Variants in EXOC3L1 observed in about 807,000 individuals in gnomAD.
EXOC3L1 encodes the protein exocyst complex component 3 like 1, also known as exocyst complex component 3-like protein.
Under a neutral mutation model 83.6 loss-of-function variants are expected in EXOC3L1, and 79 were observed. That is an observed-to-expected ratio of 0.95 (90% CI 0.79 to 1.14). EXOC3L1 has a LOEUF of 1.14. Among genes scored for constraint, EXOC3L1 ranks in the 50% most tolerant of loss-of-function variants. EXOC3L1 has a pLI of 0.00. For missense variants in EXOC3L1, 945 were observed against 972.0 expected, an observed-to-expected ratio of 0.97 and a Z score of 0.37; for synonymous variants, 433 against 451.2, an observed-to-expected ratio of 0.96 and a Z score of 0.51.
rs147432381 is a variant in EXOC3L1 at position 67,186,596 on chromosome 16, T to C, written c.1346A>G (p.His449Arg). 5.3e-3 allele frequency: 8,584 copies of C among 1,614,112 alleles called. 68 individuals carry two copies. Among genetic ancestry groups the C allele is most frequent in the South Asian group, 6.7e-3 (610 of 91,084 alleles). ...LVSESLQQRV[H>R]GMALSELGTF... is the part of the protein sequence containing the mutation. ...GCCCAGTTCTGACAGTGCCATGCCA[T>C]GCACTCGCTGTTGCAGTGACTCACT... Residue 449 changes from histidine (H) to arginine (R), a missense_variant, in exon 8 of 14, where the codon CAT becomes CGT. His to Arg is a conservative substitution (Grantham distance 29). Transcript: ENST00000314586.
At position 67,184,672 on chromosome 16, in the gene EXOC3L1, C is replaced by G. The variant is rs747185083; in HGVS notation, c.2030+14G>C. Reference sequence around the variant, plus strand: ...CCCTCCGGCTTCTCTTCCCTTCTGGCCCCCAGTCCGCACCTCACGTCGGGA... The same window carrying G: ...CCCTCCGGCTTCTCTTCCCTTCTGGGCCCCAGTCCGCACCTCACGTCGGGA... On this transcript the variant is annotated intron_variant, in intron 13 of 13. Coordinates refer to ENST00000314586, the MANE Select transcript of EXOC3L1 (RefSeq NM_178516.4). 5 of 1,577,242 alleles carry G rather than the reference C, an allele frequency of 3.2e-6. No homozygotes were observed. The highest frequency in any genetic ancestry group is 2.7e-5 in the African/African-American group (2 of 74,592).
At position 67,184,504 on chromosome 16, in the gene EXOC3L1, G is replaced by T. The variant is rs2032620913; in HGVS notation, c.2131C>A (p.Pro711Thr). The T allele has an allele frequency of 4.6e-6, 7 of 1,519,478 alleles. No homozygotes were observed. Among genetic ancestry groups the T allele is most frequent in the Non-Finnish European group, 6.1e-6 (7 of 1,141,240 alleles). 94.1% of individuals were successfully genotyped at this position (1,519,478 alleles called of 1,614,324 possible). ...SSLQAALPPSPRASRRVLFSL... is the reference protein window; with the variant it reads ...SSLQAALPPSTRASRRVLFSL... ...AAGAGGACGCGGCGGCTCGCGCGGG[G>T]CGACGGCGGCAGCGCAGCCTGCAGG... is the stretch of plus-strand genomic sequence containing the variant. The change falls in exon 14 of 14, where the codon CCC becomes ACC. Residue 711 changes from proline (P) to threonine (T), a missense_variant. Coordinates refer to ENST00000314586, the MANE Select transcript of EXOC3L1 (RefSeq NM_178516.4).
At chr16:67,186,440 C>G in intron 8 of EXOC3L1, 93 bp from the exon 9 acceptor site, 2 of 1,414,456 alleles carry the variant, frequency 1.4e-6, no homozygotes, top group Non-Finnish European at 9.8e-7. Context: ...TCCAAGATAC[C>G]CAAGTCCTTG....
rs780628359 is a variant in EXOC3L1, at chr16:67,187,727, G to A, written c.538C>T (p.Leu180=). 6.2e-7 allele frequency: 1 copy of A among 1,613,056 alleles called. No homozygotes were observed. The stretch of plus-strand genomic sequence containing the variant: ...AAGACTGGCAACTCCAGGCCCCCCA[G>A]GGGTGCCCACGTATCCTCTCGCAGC... The part of the protein sequence containing the change: ...EQLREDTWAP[L]GGLELPVFQG... Residue 180 remains leucine, a synonymous_variant, in exon 5 of 14, where the codon CTG becomes TTG. Transcript: ENST00000314586.
At chr16:67,188,658 T>G in intron 4 of EXOC3L1, 63 bp downstream of exon 4, 4 of 1,448,878 alleles carry the variant, frequency 2.8e-6, no homozygotes, top group Non-Finnish European at 3.8e-6. Context: ...AGCCCCTTGA[T>G]TAGGGATGGG....
At position 67,187,614 on chromosome 16, in the gene EXOC3L1, T is replaced by G; in HGVS notation, c.651A>C (p.Pro217=). ...CACGCACAGCAGCCACCAACAGGGC[T>G]GGGTCCTCCCGTGCCAGCTTCCCTG... ...GAAGKLARED[P]ALLVAAVRVA... The change falls in exon 5 of 14, where the codon CCA becomes CCC. Residue 217 remains proline (P), a synonymous_variant. Transcript: ENST00000314586. 1 of 1,608,654 alleles carries G rather than the reference T, an allele frequency of 6.2e-7. No homozygotes were observed.
chr16:67,184,538 C>T lies in EXOC3L1; in HGVS notation c.2097G>A (p.Ala699=). The change falls in exon 14 of 14, where the codon GCG becomes GCA. Residue 699 remains alanine, a synonymous_variant. Coordinates refer to ENST00000314586, the MANE Select transcript of EXOC3L1 (RefSeq NM_178516.4). ...GCAGCGCAGCCTGCAGGGAGCTGAG[C>T]GCGGCCAGGTGCTGCTCCCGGGACA... is the stretch of plus-strand genomic sequence containing the variant. The part of the protein sequence containing the change: ...GDLSREQHLA[A]LSSLQAALPP... 6.6e-7 allele frequency: 1 copy of T among 1,526,036 alleles called. No homozygotes were observed. The highest frequency in any genetic ancestry group is 8.7e-7 in the Non-Finnish European group (1 of 1,143,334). 94.5% of individuals were successfully genotyped at this position (1,526,036 alleles called of 1,614,324 possible). A position where few individuals can be genotyped will look rare whatever the true frequency, so the allele number is the denominator to read the frequency against.
rs1205802737 is a variant in EXOC3L1 at position 67,184,501 on chromosome 16, G to C, written c.2134C>G (p.Arg712Gly). The change falls in exon 14 of 14, where the codon CGC becomes GGC. Residue 712 changes from arginine (R) to glycine (G), a missense_variant. Arg to Gly is a moderately radical substitution (Grantham distance 125). Coordinates refer to ENST00000314586, the MANE Select transcript of EXOC3L1 (RefSeq NM_178516.4). The stretch of plus-strand genomic sequence containing the variant: ...CTGAAGAGGACGCGGCGGCTCGCGC[G>C]GGGCGACGGCGGCAGCGCAGCCTGC... The part of the protein sequence containing the change: ...SLQAALPPSP[R>G]ASRRVLFSLV... 4 of 1,519,326 alleles carry C rather than the reference G, an allele frequency of 2.6e-6. No individual in the cohort carries two copies. Among genetic ancestry groups the C allele is most frequent in the Non-Finnish European group, 3.5e-6 (4 of 1,141,180 alleles). 94.1% of individuals were successfully genotyped at this position (1,519,326 alleles called of 1,614,324 possible).
chr16:67,184,938 G>T lies in EXOC3L1; in HGVS notation c.1869C>A (p.His623Gln), dbSNP rs1294696818. Residue 623 changes from histidine to glutamine, a missense_variant, in exon 12 of 14, where the codon CAC becomes CAA. His to Gln is a conservative substitution (Grantham distance 24). Coordinates refer to ENST00000314586, the MANE Select transcript of EXOC3L1 (RefSeq NM_178516.4). ...ERTQAAERLRHDAAQLQQLFL... is the reference protein window; with the variant it reads ...ERTQAAERLRQDAAQLQQLFL... ...AAAGCTGCTGAAGCTGGGCAGCATCGTGCCGCAGGCGCTCGGCCGCCTGGG... is the reference window on the plus strand; with the variant it reads ...AAAGCTGCTGAAGCTGGGCAGCATCTTGCCGCAGGCGCTCGGCCGCCTGGG... The T allele has an allele frequency of 6.2e-7, 1 of 1,611,886 alleles. No homozygotes were observed. The highest frequency in any genetic ancestry group is 1.3e-5 in the African/African-American group (1 of 74,988).
rs2032748683 is a variant in EXOC3L1 at position 67,187,008 on chromosome 16, C to T, written c.1158+13G>A. The T allele has an allele frequency of 6.2e-7, 1 of 1,613,462 alleles. No individual in the cohort carries two copies. Among genetic ancestry groups the T allele is most frequent in the Non-Finnish European group, 8.5e-7 (1 of 1,179,980 alleles). ...AAGTAGGACTTCTCTGGACCTGTGC[C>T]TCAACTACTCACCTGGATGTTGGCC... On this transcript the variant is annotated intron_variant, in intron 6 of 13. Coordinates refer to ENST00000314586, the MANE Select transcript of EXOC3L1 (RefSeq NM_178516.4).
chr16:67,187,044 C>T lies in EXOC3L1; in HGVS notation c.1135G>A (p.Ala379Thr), dbSNP rs766196751. The T allele has an allele frequency of 7.4e-6, 12 of 1,613,600 alleles. No individual in the cohort carries two copies. In the African/African-American group the frequency reaches 1.6e-4, roughly 22 times the overall value. ...ACCTGGATGTTGGCCACAAATGTTGCCTCCAGCTGCTCAATGTTCTCCAAG... is the reference window on the plus strand; with the variant it reads ...ACCTGGATGTTGGCCACAAATGTTGTCTCCAGCTGCTCAATGTTCTCCAAG... Reference protein sequence around the residue: ...LTLENIEQLEATFVANIQASV... With the variant: ...LTLENIEQLETTFVANIQASV... The change falls in exon 6 of 14, where the codon GCA becomes ACA. Residue 379 changes from alanine (A) to threonine (T), a missense_variant. By Grantham distance (58) the Ala-to-Thr change is moderately conservative. Coordinates refer to ENST00000314586, the MANE Select transcript of EXOC3L1 (RefSeq NM_178516.4).
chr16:67,187,553 C>T lies in EXOC3L1; in HGVS notation c.712G>A (p.Gly238Ser), dbSNP rs753186875. Residue 238 changes from glycine (G) to serine (S), a missense_variant, in exon 5 of 14, where the codon GGC becomes AGC. Physicochemically the swap from Gly to Ser is moderately conservative, Grantham distance 56. Coordinates refer to ENST00000314586, the MANE Select transcript of EXOC3L1 (RefSeq NM_178516.4). ...TGACGCCAGTCCCGGGGGACCTGGC[C>T]CAGGGGGGTTGTTCGTCCAGTCTCC... Reference protein sequence around the residue: ...EVETGRTTPLGQVPRDWRQRC... With the variant: ...EVETGRTTPLSQVPRDWRQRC... 1.2e-6 allele frequency: 2 copies of T among 1,603,206 alleles called. No homozygotes were observed. Among genetic ancestry groups the T allele is most frequent in the Non-Finnish European group, 1.7e-6 (2 of 1,178,454 alleles).
chr16:67,184,890 A>G lies in EXOC3L1; in HGVS notation c.1905+12T>C. ...AGACTCTCGCCCGTCTGCCCGCCCA[A>G]GAAGCTCTCACCAAACTGAGGAAAA... On this transcript the variant is annotated intron_variant, in intron 12 of 13. Coordinates refer to ENST00000314586, the MANE Select transcript of EXOC3L1 (RefSeq NM_178516.4). 6.2e-7 allele frequency: 1 copy of G among 1,612,060 alleles called. No individual in the cohort carries two copies. Among genetic ancestry groups the G allele is most frequent in the Non-Finnish European group, 8.5e-7 (1 of 1,179,828 alleles).
Position 67,187,488 on chromosome 16 carries a change from G to A in EXOC3L1, c.777C>T (p.Ala259=), listed in dbSNP as rs747159533. 2 of 1,605,198 alleles carry A rather than the reference G, an allele frequency of 1.2e-6. No individual in the cohort carries two copies. Among genetic ancestry groups the A allele is most frequent in the South Asian group, 1.1e-5 (1 of 91,052 alleles). Residue 259 remains alanine, a synonymous_variant, in exon 5 of 14, where the codon GCC becomes GCT. Coordinates refer to ENST00000314586, the MANE Select transcript of EXOC3L1 (RefSeq NM_178516.4). The part of the protein sequence containing the change: ...LRALQEGLEQ[A]HFGSPLLPAP... ...CAGGCAGCAGAGGTGACCCAAAGTGGGCCTGCTCCAGGCCCTCCTGTAGTG... is the reference window on the plus strand; with the variant it reads ...CAGGCAGCAGAGGTGACCCAAAGTGAGCCTGCTCCAGGCCCTCCTGTAGTG...
intron 13 of EXOC3L1, 30 bp from the exon 14 acceptor site, chr16:67,184,634 C>G (rs1264637828): frequency 1.3e-6 from 2 of 1,583,418 alleles, no homozygotes; most frequent in African/African-American, 2.7e-5. Context: ...GCGCGTCAGC[C>G]CCGTCCTCCC....
At position 67,184,567 on chromosome 16, in the gene EXOC3L1, C is replaced by T; in HGVS notation, c.2068G>A (p.Asp690Asn). Residue 690 changes from aspartate (D) to asparagine (N), a missense_variant, in exon 14 of 14, where the codon GAC becomes AAC. Transcript: ENST00000314586. Reference sequence around the variant, plus strand: ...GCCAGGTGCTGCTCCCGGGACAAGTCCCCGCGCAGGCCCAAGAGGGCGGAG... The same window carrying T: ...GCCAGGTGCTGCTCCCGGGACAAGTTCCCGCGCAGGCCCAAGAGGGCGGAG... ...HVSALLGLRG[D>N]LSREQHLAAL... 1 of 1,548,160 alleles carries T rather than the reference C, an allele frequency of 6.5e-7. No homozygotes were observed. The highest frequency in any genetic ancestry group is 8.7e-7 in the Non-Finnish European group (1 of 1,154,836).
At position 67,185,217 on chromosome 16, in the gene EXOC3L1, GC is replaced by G; in HGVS notation, c.1667del (p.Ser556ThrfsTer43). 1 of 1,613,240 alleles carries G rather than the reference GC, an allele frequency of 6.2e-7. No individual in the cohort carries two copies. The highest frequency in any genetic ancestry group is 8.5e-7 in the Non-Finnish European group (1 of 1,179,990). On this transcript the variant is annotated frameshift_variant, in exon 11 of 14. Transcript: ENST00000314586. LOFTEE classifies it high-confidence loss of function. ...CACACACACTTTGCAGGAGCTCAGG[GC>G]TCGACAGCCATTGGCGCGAGGGCAG... is the stretch of plus-strand genomic sequence containing the variant. ...ADLPSRQWLS[S>X]PELLQSVCER...
Position 67,189,526 on chromosome 16 carries a change from C to T in EXOC3L1, c.46+105G>A. Reference sequence around the variant, plus strand: ...TCCTGACCTCAGGTCATCTGCCCATCTTGACCTCCCAAAGTGTTGGGATTA... The same window carrying T: ...TCCTGACCTCAGGTCATCTGCCCATTTTGACCTCCCAAAGTGTTGGGATTA... On this transcript the variant is annotated intron_variant, in intron 2 of 13. Coordinates refer to ENST00000314586, the MANE Select transcript of EXOC3L1 (RefSeq NM_178516.4). 3 of 1,381,614 alleles carry T rather than the reference C, an allele frequency of 2.2e-6. No homozygotes were observed. The South Asian group carries it at 3.7e-5, about 17-fold the overall frequency. 85.6% of individuals were successfully genotyped at this position (1,381,614 alleles called of 1,614,324 possible).
At position 67,186,672 on chromosome 16, in the gene EXOC3L1, G is replaced by C. The variant is rs762361873; in HGVS notation, c.1285-15C>G. The C allele has an allele frequency of 5.6e-5, 90 of 1,613,748 alleles. No homozygotes were observed. The highest frequency in any genetic ancestry group is 7.4e-5 in the Non-Finnish European group (87 of 1,179,900). ...TCTTCCAGGATCTGCAGGCAGAAAT[G>C]AGCAGCCATCGGCAAAGCCTCCCTC... is the stretch of plus-strand genomic sequence containing the variant. On this transcript the variant is annotated splice_polypyrimidine_tract_variant and intron_variant, in intron 7 of 13. Transcript: ENST00000314586.
Sources: allele counts gnomAD v4.1 joint callset, GRCh38; gene constraint gnomAD v4.1.1; transcripts MANE v1.5; gene names NCBI Gene and HGNC (gene_info 2026-07-23, HGNC 2026-07-21).